SOAT2: variants seen among roughly 807,000 people sequenced by gnomAD.
The protein encoded by SOAT2 is ACAT-2.
In SOAT2, 87 loss-of-function variants were observed where a neutral mutation model predicts 76.0. The ratio of observed to expected loss-of-function variants is 1.14; its 90% CI spans 0.96 to 1.37. SOAT2 has a LOEUF of 1.37. Among genes scored for constraint, SOAT2 ranks in the 40% most tolerant of loss-of-function variants. The pLI is 0.00. For missense variants in SOAT2, 686 were observed against 682.1 expected (o/e 1.01, Z -0.06); for synonymous variants, 285 against 275.4 (o/e 1.03, Z -0.34).
At position 53,104,163 on chromosome 12, in the gene SOAT2, CG is replaced by C; in HGVS notation, c.96del (p.His33ThrfsTer16). ...TCCCTCCTCACAGGAAACACTGAGA[CG>C]CACAGAGCCCCGGACTTGGTACAAT... ...RQPCGDGNTE[T>X]HRAPDLVQWT... On this transcript the variant is annotated frameshift_variant, in exon 2 of 15. Coordinates refer to ENST00000301466, the MANE Select transcript of SOAT2 (RefSeq NM_003578.4). LOFTEE classifies it high-confidence loss of function. 6.2e-7 allele frequency: 1 copy of C among 1,613,520 alleles called. No individual in the cohort carries two copies. The highest frequency in any genetic ancestry group is 8.5e-7 in the Non-Finnish European group (1 of 1,179,630).
At chr12:53,119,651 GA>G (rs201714174) in intron 10 of SOAT2, among the ~76,000 whole-genome samples, 20 of 151,846 alleles carry the variant, frequency 1.3e-4, no homozygotes, top group Non-Finnish European at 2.4e-4. Context: ...CTATCTGGGG[GA>G]AGATATGTGC....
chr12:53,104,526 G>A (rs1196256714), intron 2 of SOAT2, among the ~76,000 whole-genome samples: 3 of 151,804 alleles, frequency 2.0e-5, no homozygotes, highest in Admixed American at 6.6e-5. Context: ...TACCCGCCTC[G>A]GCCTCCCAAA....
chr12:53,112,769 T>A (rs1166065573), intron 5 of SOAT2, among the ~76,000 whole-genome samples: 1 of 150,154 alleles, frequency 6.7e-6, no homozygotes, highest in Non-Finnish European at 1.5e-5. Context: ...CATTTTCTTT[T>A]TTTTCTTTCC....
chr12:53,118,957 G>A (rs1379133170), intron 9 of SOAT2, 22 bp downstream of exon 9: 2 of 1,613,980 alleles, frequency 1.2e-6, no homozygotes, highest in South Asian at 1.1e-5. Context: ...GGGTAGAAGG[G>A]TGGACCTGTG....
At chr12:53,115,691 C>T in intron 6 of SOAT2, 37 bp downstream of exon 6, 1 of 1,476,216 alleles carries the variant, frequency 6.8e-7, no homozygotes, top group Non-Finnish European at 8.9e-7. Context: ...AGGAAGGAAC[C>T]AGCTGGTGGG....
chr12:53,123,649 C>A, intron 13 of SOAT2, 79 bp from the exon 14 acceptor site: 1 of 1,557,680 alleles, frequency 6.4e-7, no homozygotes, highest in South Asian at 1.2e-5. Context: ...CATCTCTTCC[C>A]AATACCCTGG....
chr12:53,114,072 T>C (rs1938063722), intron 5 of SOAT2, among the ~76,000 whole-genome samples: 1 of 152,192 alleles, frequency 6.6e-6, no homozygotes, highest in South Asian at 2.1e-4. Flanking sequence ...GGCACTGGCT[T>C]TTAATATTTA....
chr12:53,106,014 G>A lies in SOAT2; in HGVS notation c.443G>A (p.Arg148Lys). ...TLAIDFIDEGRLLLEFDLLIF... is the reference protein window; with the variant it reads ...TLAIDFIDEGKLLLEFDLLIF... ...GCCATCGACTTCATTGATGAGGGCA[G>A]GTAGGTCCCCTTCCCACCTGGGACA... Residue 148 changes from arginine to lysine, a missense_variant and splice_region_variant, in exon 5 of 15, where the codon AGG (arginine) becomes AAG (lysine). By Grantham distance (26) the Arg-to-Lys change is conservative. Transcript: ENST00000301466. 3 of 1,610,846 alleles carry A rather than the reference G, an allele frequency of 1.9e-6. No homozygotes were observed. The highest frequency in any genetic ancestry group is 2.5e-6 in the Non-Finnish European group (3 of 1,177,250).
chr12:53,120,972 C>T, intron 11 of SOAT2, 89 bp downstream of exon 11: 5 of 971,724 alleles, frequency 5.1e-6, no homozygotes, highest in Non-Finnish European at 8.3e-6. Flanking sequence ...TTGGGTGTCA[C>T]TTCAGCCATG....
chr12:53,120,125 C>T (rs1391909318), intron 10 of SOAT2, among the ~76,000 whole-genome samples: 1 of 152,074 alleles, frequency 6.6e-6, no homozygotes, highest in African/African-American at 2.4e-5. Flanking sequence ...CGCTTGAGGC[C>T]AGGAGTTCGA....
intron 6 of SOAT2, 137 bp from the exon 7 acceptor site, chr12:53,115,960 A>C (rs1272798749): frequency 1.3e-6 from 1 of 799,166 alleles, no homozygotes; most frequent in Non-Finnish European, 2.1e-6. Flanking sequence ...CCATCCAACA[A>C]AAAGAAAAAG....
At chr12:53,122,206 C>CTT (rs55672871) in intron 12 of SOAT2, among the ~76,000 whole-genome samples, 79 of 111,092 alleles carry the variant, frequency 7.1e-4, no homozygotes, top group Admixed American at 1.1e-3. Context: ...GGTGGGGGCT[C>CTT]TTTTTTTTTT....
chr12:53,110,258 G>T (rs781336361), intron 5 of SOAT2, among the ~76,000 whole-genome samples: 1 of 152,104 alleles, frequency 6.6e-6, no homozygotes. Context: ...TGAAAACCTT[G>T]GTAAGTTTGG....
chr12:53,111,564 C>T (rs1592276453), intron 5 of SOAT2, among the ~76,000 whole-genome samples: 2 of 152,188 alleles, frequency 1.3e-5, no homozygotes, highest in African/African-American at 4.8e-5. Flanking sequence ...ATTAATGTTT[C>T]ATTCATTAAA....
Position 53,105,616 on chromosome 12 carries a change from C to T in SOAT2, c.331C>T (p.Leu111Phe), listed in dbSNP as rs774530050. ...AGTTTTCATCATCCGCAAGTCCCTGCTTGAGTAAGTCGGGGTGATGACAAG... is the reference window on the plus strand; with the variant it reads ...AGTTTTCATCATCCGCAAGTCCCTGTTTGAGTAAGTCGGGGTGATGACAAG... ...QKVFIIRKSL[L>F]DELMEVQHFR... The change falls in exon 4 of 15, where the codon CTT becomes TTT. Residue 111 changes from leucine to phenylalanine, a missense_variant. Coordinates refer to ENST00000301466, the MANE Select transcript of SOAT2 (RefSeq NM_003578.4). The T allele has an allele frequency of 6.2e-7, 1 of 1,609,688 alleles. No individual in the cohort carries two copies. The highest frequency in any genetic ancestry group is 8.5e-7 in the Non-Finnish European group (1 of 1,177,444).
chr12:53,121,793 CTTTTTTTTTT>C (rs56848843), intron 12 of SOAT2, among the ~76,000 whole-genome samples: 1 of 56,862 alleles, frequency 1.8e-5, no homozygotes, highest in East Asian at 5.8e-4. Flanking sequence ...TAGTAGCATG[CTTTTTTTTTT>C]TTTTTTTTTT....
In SOAT2 at chr12:53,116,158, C is replaced by G. The variant is rs913788427; in HGVS notation, c.770C>G (p.Ala257Gly). ...GAGGCTGTGCCTGGGACCCTTCGTG[C>G]CAGACGAGGTGAGGCCTTCATCTTG... ...LREAVPGTLR[A>G]RRGEGIQAPS... Residue 257 changes from alanine (A) to glycine (G), a missense_variant, in exon 7 of 15, where the codon GCC becomes GGC. Physicochemically the swap from Ala to Gly is moderately conservative, Grantham distance 60. Transcript: ENST00000301466. The G allele has an allele frequency of 7.4e-6, 12 of 1,613,770 alleles. No homozygotes were observed. Among genetic ancestry groups the G allele is most frequent in the Non-Finnish European group, 1.0e-5 (12 of 1,179,772 alleles).
chr12:53,119,712 C>T (rs758101045), intron 10 of SOAT2, among the ~76,000 whole-genome samples: 1 of 152,162 alleles, frequency 6.6e-6, no homozygotes, highest in African/African-American at 2.4e-5. Context: ...CTTGAAATAC[C>T]CTTTCCTAAT....
At chr12:53,117,262 A>ATT (rs34151150) in intron 7 of SOAT2, among the ~76,000 whole-genome samples, 5,177 of 108,966 alleles carry the variant, frequency 0.048, 620 homozygotes, top group African/African-American at 0.19. Flanking sequence ...CGCCCGGCCA[A>ATT]TTTTTTTTTT....
Sources: gnomAD v4.1 joint callset for allele counts (sites outside exome capture counted in the v4.1 genomes callset) on GRCh38, gnomAD v4.1.1 for gene constraint, MANE v1.5 for transcripts, NCBI Gene and HGNC (gene_info 2026-07-23, HGNC 2026-07-21) for gene names.